The following GNAO1 variants were observed in gnomAD, a reference collection of about 807,000 sequenced individuals.
GNAO1 encodes guanine nucleotide-binding protein G(o) subunit alpha.
For missense variants in GNAO1, 166 were observed against 478.7 expected (o/e 0.35, Z 6.10); for synonymous variants, 164 against 180.7 (o/e 0.91, Z 0.74).
intron 3 of GNAO1, among the ~76,000 whole-genome samples, chr16:56,320,313 G>A (rs375227392): frequency 4.6e-5 from 7 of 152,110 alleles, no homozygotes; most frequent in African/African-American, 9.7e-5. Context: ...GTGTATACTC[G>A]TCCACTGGGT....
chr16:56,221,132 G>A (rs1424604553), intron 2 of GNAO1, among the ~76,000 whole-genome samples: 7 of 152,100 alleles, frequency 4.6e-5, no homozygotes, highest in African/African-American at 1.7e-4. Flanking sequence ...GCCATGGGAG[G>A]ATGCTTCAAG....
intron 6 of GNAO1, chr16:56,345,824 C>G (rs2037861593): frequency 1.0e-6 from 1 of 985,580 alleles, no homozygotes; most frequent in Non-Finnish European, 1.2e-6. Context: ...TTACTCTGCT[C>G]CGAACTGTAA....
At chr16:56,234,206 C>A (rs1451240740) in intron 2 of GNAO1, among the ~76,000 whole-genome samples, 1 of 152,254 alleles carries the variant, frequency 6.6e-6, no homozygotes, top group South Asian at 2.1e-4. Context: ...GGAGGTGACA[C>A]CCCAAGGAGA....
At chr16:56,340,709 G>A (rs545649576) in intron 6 of GNAO1, 28 of 809,102 alleles carry the variant, frequency 3.5e-5, no homozygotes, top group African/African-American at 1.9e-4. Context: ...GGTGGTCTCC[G>A]TCCCGGTGGT....
Position 56,205,271 on chromosome 16 carries a change from A to G in GNAO1, c.161+12655A>G, listed in dbSNP as rs994671055. Among the ~76,000 whole-genome samples, 4 of 152,118 alleles carry G rather than the reference A, an allele frequency of 2.6e-5. No homozygotes were observed. The South Asian group carries it at 6.2e-4, about 24-fold the overall frequency. ...GGTTCCACAGTACAAAGACAAAACAACTCCTGGGGTCCCTCTCTGAATTCA... is the reference window on the plus strand; with the variant it reads ...GGTTCCACAGTACAAAGACAAAACAGCTCCTGGGGTCCCTCTCTGAATTCA... On this transcript the variant is annotated intron_variant, in intron 2 of 8. Transcript: ENST00000262493.
rs564887255 is a variant in GNAO1 at position 56,354,353 on chromosome 16, A to T, written c.878-513A>T. On this transcript the variant is annotated intron_variant, in intron 7 of 8. Transcript: ENST00000262493. This position sits in a 1 kb window ranked among gnomAD's most constrained non-coding sequence, Gnocchi z 4.3. The stretch of plus-strand genomic sequence containing the variant: ...GCCTGTGTATGGTTGGTGCAAAAGT[A>T]ATTGCAGTAATTGCAGTTTTGCTAT... Among the ~76,000 whole-genome samples the T allele has an allele frequency of 1.3e-5, 1 of 78,760 alleles. No homozygotes were observed. Among genetic ancestry groups the T allele is most frequent in the South Asian group, 5.1e-4 (1 of 1,960 alleles). The allele number at this position is 78,760 out of a possible 152,430, so 51.7% of individuals were successfully genotyped here.
At chr16:56,334,527 A>G (rs1044864280) in intron 4 of GNAO1, among the ~76,000 whole-genome samples, 1 of 152,168 alleles carries the variant, frequency 6.6e-6, no homozygotes, top group Non-Finnish European at 1.5e-5. Flanking sequence ...TTGGCTGTGA[A>G]TGAGTGCGTG....
At chr16:56,344,890 G>A (rs1468098385) in intron 6 of GNAO1, 4 of 985,402 alleles carry the variant, frequency 4.1e-6, no homozygotes, top group African/African-American at 1.7e-5. Context: ...AGGTCTAGAG[G>A]GGGTGGACTT....
chr16:56,206,467 T>C (rs1255604010), intron 2 of GNAO1, among the ~76,000 whole-genome samples: 1 of 152,102 alleles, frequency 6.6e-6, no homozygotes, highest in East Asian at 1.9e-4. Flanking sequence ...AAGATACCTC[T>C]GCATCCTGGA....
intron 2 of GNAO1, among the ~76,000 whole-genome samples, chr16:56,220,383 C>CGG (rs2036473034): frequency 6.6e-6 from 1 of 152,174 alleles, no homozygotes; most frequent in Non-Finnish European, 1.5e-5. Flanking sequence ...GCCAGGTTCC[C>CGG]TGGTAAGTCC....
chr16:56,294,875 C>T (rs1468319511), intron 3 of GNAO1, among the ~76,000 whole-genome samples: 1 of 150,154 alleles, frequency 6.7e-6, no homozygotes, highest in Non-Finnish European at 1.5e-5. Context: ...ATATTTGGCA[C>T]CTTTTAACAT....
At chr16:56,202,081 G>A (rs750232531) in intron 2 of GNAO1, among the ~76,000 whole-genome samples, 1 of 152,190 alleles carries the variant, frequency 6.6e-6, no homozygotes, top group Non-Finnish European at 1.5e-5. Context: ...AATTTAGGAA[G>A]AGGAACCTGT....
chr16:56,284,823 A>G (rs1336110287), intron 3 of GNAO1, among the ~76,000 whole-genome samples: 2 of 152,192 alleles, frequency 1.3e-5, no homozygotes, highest in Non-Finnish European at 2.9e-5. Flanking sequence ...AGGGATATGC[A>G]TGGCCTGAAC....
rs57968280 is a variant in GNAO1 at position 56,286,695 on chromosome 16, C to CTGTGTGTG, written c.303+10653_303+10660dup. ...CAGTCTCTTTCTGTCTCTGTCGCCT[C>CTGTGTGTG]TGTGTGTGTGTGTGTGTGTGTGTGT... On this transcript the variant is annotated intron_variant, in intron 3 of 8. Coordinates refer to ENST00000262493, the MANE Select transcript of GNAO1 (RefSeq NM_020988.3). Among the ~76,000 whole-genome samples the CTGTGTGTG allele has an allele frequency of 3.9e-4, 56 of 144,996 alleles. 1 individual carries two copies. Among genetic ancestry groups the CTGTGTGTG allele is most frequent in the African/African-American group, 1.3e-3 (52 of 39,398 alleles).
Position 56,326,467 on chromosome 16 carries a change from G to C in GNAO1, c.304-2164G>C, listed in dbSNP as rs1359832882. Among the ~76,000 whole-genome samples, 2 of 152,222 alleles carry C rather than the reference G, an allele frequency of 1.3e-5. No homozygotes were observed. The highest frequency in any genetic ancestry group is 4.8e-5 in the African/African-American group (2 of 41,462). On this transcript the variant is annotated intron_variant, in intron 3 of 8. Transcript: ENST00000262493. This position sits in a 1 kb window ranked among gnomAD's most constrained non-coding sequence, Gnocchi z 4.8. ...CCTTTAGAAGCTTATCTGAGAAAAG[G>C]ATTTGGGTGAGACAAGGAGTTTATT...
In GNAO1 at chr16:56,192,358, G is replaced by A; in HGVS notation, c.118+5G>A. The A allele has an allele frequency of 1.3e-6, 2 of 1,531,844 alleles. No individual in the cohort carries two copies. The highest frequency in any genetic ancestry group is 1.8e-6 in the Non-Finnish European group (2 of 1,106,252). The allele number at this position is 1,531,844 out of a possible 1,614,324, so 94.9% of individuals were successfully genotyped here. ...ACGTGAAATTACTCCTGCTCGGTAA[G>A]GACCGCCGCTGCTACCCCCATCCCC... On this transcript the variant is annotated splice_donor_5th_base_variant and intron_variant, in intron 1 of 8. Coordinates refer to ENST00000262493, the MANE Select transcript of GNAO1 (RefSeq NM_020988.3).
At position 56,344,563 on chromosome 16, in the gene GNAO1, A is replaced by G. The variant is rs140860027; in HGVS notation, c.724-6821A>G. On this transcript the variant is annotated intron_variant, in intron 6 of 8. Transcript: ENST00000262493. ...TCCTCCCTTGCCTTTGCTCTCCCAGAGAACTCCCATCCCTGACTCCTCCGA... is the reference window on the plus strand; with the variant it reads ...TCCTCCCTTGCCTTTGCTCTCCCAGGGAACTCCCATCCCTGACTCCTCCGA... The G allele has an allele frequency of 1.0e-3, 982 of 986,456 alleles. 8 individuals carry two copies. In the African/African-American group the frequency reaches 0.016, roughly 16 times the overall value. The allele number at this position is 986,456 out of a possible 1,614,324, so 61.1% of individuals were successfully genotyped here.
At position 56,254,024 on chromosome 16, in the gene GNAO1, AT is replaced by A. The variant is rs1177126677; in HGVS notation, c.162-21898del. Among the ~76,000 whole-genome samples the A allele has an allele frequency of 1.0e-4, 15 of 147,354 alleles. 1 individual carries two copies. In the East Asian group the frequency reaches 2.8e-3, roughly 27 times the overall value. ...ATCTGGTTTTATGCCCTTCCATAAA[AT>A]TTTTTTTTATTAAACATACATTGTT... On this transcript the variant is annotated intron_variant, in intron 2 of 8. Transcript: ENST00000262493.
intron 4 of GNAO1, among the ~76,000 whole-genome samples, chr16:56,332,300 C>T (rs1056094827): frequency 2.0e-5 from 3 of 152,168 alleles, no homozygotes; most frequent in African/African-American, 7.2e-5. Flanking sequence ...CCAGCCTCAC[C>T]CACCACCTGG....
Sources: allele counts gnomAD v4.1 joint callset (sites outside exome capture counted in the v4.1 genomes callset), GRCh38; gene constraint gnomAD v4.1.1; non-coding constraint Gnocchi (gnomAD v3.1); transcripts MANE v1.5; gene names NCBI Gene and HGNC (gene_info 2026-07-23, HGNC 2026-07-21).